Variants in EPHA5 observed in about 807,000 individuals in gnomAD.
EPHA5 encodes the protein EPH receptor A5.
In EPHA5, 60 loss-of-function variants were observed where a neutral mutation model predicts 105.0. That is an observed-to-expected ratio of 0.57 (90% CI 0.46 to 0.71). EPHA5 has a LOEUF of 0.71. EPHA5 is among the 30% of genes least tolerant of loss of function. The pLI is 0.00. For synonymous variants in EPHA5, 513 were observed against 449.1 expected (o/e 1.14, Z -1.80); for missense variants, 1,218 against 1,274.7 (o/e 0.96, Z 0.68).
At chr4:65,514,860 A>G (rs1160420753) in intron 3 of EPHA5, among the ~76,000 whole-genome samples, 2 of 152,120 alleles carry the variant, frequency 1.3e-5, no homozygotes, top group African/African-American at 4.8e-5. Flanking sequence ...GCATGAACAC[A>G]AGCCTTCCAC....
rs931878727 is a variant in EPHA5 at position 65,404,589 on chromosome 4, C to T, written c.1688-110G>A. On this transcript the variant is annotated intron_variant, in intron 7 of 16. Transcript: ENST00000613740. ...ATTCATGATTTAAGCAATTTACCCA[C>T]ACTTAGCTGAAATTTCCCCTAATAT... 44 of 823,426 alleles carry T rather than the reference C, an allele frequency of 5.3e-5. No homozygotes were observed. The East Asian group carries it at 1.1e-3, about 21-fold the overall frequency. The allele number at this position is 823,426 out of a possible 1,614,324, so 51.0% of individuals were successfully genotyped here.
chr4:65,638,772 G>T (rs4505878), intron 2 of EPHA5, among the ~76,000 whole-genome samples: 37,246 of 152,008 alleles, frequency 0.25, 5,284 homozygotes, highest in East Asian at 0.57. Flanking sequence ...AATATTTCCT[G>T]AATGAATGGA....
chr4:65,445,064 A>T (rs914050426), intron 5 of EPHA5, among the ~76,000 whole-genome samples: 3 of 152,106 alleles, frequency 2.0e-5, no homozygotes, highest in Admixed American at 1.3e-4. Context: ...TTCAAAATAA[A>T]TAAAATACTT....
chr4:65,366,852 C>A (rs1398293421), intron 9 of EPHA5, among the ~76,000 whole-genome samples: 14 of 151,684 alleles, frequency 9.2e-5, no homozygotes, highest in Non-Finnish European at 1.6e-4. Flanking sequence ...TGTTCAAATT[C>A]TTTATTAAAA....
At chr4:65,521,348 G>A (rs1734693845) in intron 3 of EPHA5, among the ~76,000 whole-genome samples, 1 of 151,974 alleles carries the variant, frequency 6.6e-6, no homozygotes, top group African/African-American at 2.4e-5. Context: ...CACAGGAAGG[G>A]GAACATCACA....
At chr4:65,329,595 A>C (rs1233957568) in intron 16 of EPHA5, among the ~76,000 whole-genome samples, 1 of 151,436 alleles carries the variant, frequency 6.6e-6, no homozygotes, top group African/African-American at 2.4e-5. Flanking sequence ...AACAGTTATG[A>C]ATGTATTCTT....
chr4:65,518,425 A>C (rs1378037432), intron 3 of EPHA5, among the ~76,000 whole-genome samples: 1 of 151,892 alleles, frequency 6.6e-6, no homozygotes, highest in Admixed American at 6.6e-5. Context: ...ATTCACACAC[A>C]CACACACACC....
intron 8 of EPHA5, among the ~76,000 whole-genome samples, chr4:65,377,540 A>T (rs995343019): frequency 4.6e-5 from 7 of 151,958 alleles, no homozygotes; most frequent in African/African-American, 1.7e-4. Context: ...GGTATTACTT[A>T]TCATAGCCTA....
intron 2 of EPHA5, among the ~76,000 whole-genome samples, chr4:65,628,259 T>G (rs1222460792): frequency 6.6e-6 from 1 of 152,118 alleles, no homozygotes; most frequent in Admixed American, 6.5e-5. Flanking sequence ...TAACATTTTA[T>G]TGACTGCTTA....
chr4:65,458,529 G>A (rs1415996248), intron 5 of EPHA5, among the ~76,000 whole-genome samples: 1 of 152,012 alleles, frequency 6.6e-6, no homozygotes, highest in Non-Finnish European at 1.5e-5. Context: ...TCTTTTGAGT[G>A]TCTCATCTGG....
chr4:65,572,723 T>C (rs1578456755), intron 3 of EPHA5, among the ~76,000 whole-genome samples: 1 of 152,342 alleles, frequency 6.6e-6, no homozygotes, highest in Non-Finnish European at 1.5e-5. Flanking sequence ...TACTCATTTA[T>C]TATTTGTGTA....
intron 5 of EPHA5, among the ~76,000 whole-genome samples, chr4:65,464,225 T>G (rs1728393105): frequency 6.6e-6 from 1 of 152,004 alleles, no homozygotes; most frequent in South Asian, 2.1e-4. Flanking sequence ...TTTTACTCAT[T>G]ATAAATAACT....
At chr4:65,646,916 C>T (rs1042263460) in intron 1 of EPHA5, among the ~76,000 whole-genome samples, 20 of 152,166 alleles carry the variant, frequency 1.3e-4, no homozygotes, top group Admixed American at 6.5e-4. Flanking sequence ...TTCTTATATA[C>T]GCTTCCATAA....
chr4:65,400,403 G>C (rs1276837525), intron 8 of EPHA5, among the ~76,000 whole-genome samples: 1 of 152,162 alleles, frequency 6.6e-6, no homozygotes, highest in Non-Finnish European at 1.5e-5. Flanking sequence ...AAACAGTGAA[G>C]AGAGTCTGAA....
intron 1 of EPHA5, among the ~76,000 whole-genome samples, chr4:65,666,685 T>C (rs1320467139): frequency 1.3e-5 from 2 of 152,200 alleles, no homozygotes; most frequent in African/African-American, 4.8e-5. Flanking sequence ...ATGACTAATA[T>C]ACTAAAACTA....
At chr4:65,429,754 C>T (rs1434658013) in intron 5 of EPHA5, among the ~76,000 whole-genome samples, 1 of 151,828 alleles carries the variant, frequency 6.6e-6, no homozygotes, top group African/African-American at 2.4e-5. Context: ...AATTCAGGAC[C>T]ACCACATCTT....
At chr4:65,560,945 C>T (rs1327373072) in intron 3 of EPHA5, among the ~76,000 whole-genome samples, 1 of 151,798 alleles carries the variant, frequency 6.6e-6, no homozygotes, top group African/African-American at 2.4e-5. Context: ...ATCCTCTGTC[C>T]ATCCATGTTG....
At chr4:65,390,046 C>G (rs1211801928) in intron 8 of EPHA5, among the ~76,000 whole-genome samples, 1 of 151,934 alleles carries the variant, frequency 6.6e-6, no homozygotes, top group East Asian at 1.9e-4. Flanking sequence ...CTATCTTGGT[C>G]CAAGAGTACT....
intron 3 of EPHA5, among the ~76,000 whole-genome samples, chr4:65,556,548 G>A (rs1233149200): frequency 1.3e-5 from 2 of 152,232 alleles, no homozygotes; most frequent in Admixed American, 6.5e-5. Flanking sequence ...TTTGTGTTTA[G>A]TAAAACTAAT....
Sources: gnomAD v4.1 joint callset for allele counts (sites outside exome capture counted in the v4.1 genomes callset) on GRCh38, gnomAD v4.1.1 for gene constraint, MANE v1.5 for transcripts, NCBI Gene and HGNC (gene_info 2026-07-23, HGNC 2026-07-21) for gene names.